KRT26: variants seen among roughly 807,000 people sequenced by gnomAD.
The protein encoded by KRT26 is keratin 26.
KRT26 carries 45 observed loss-of-function variants against 46.1 expected under a neutral mutation model. The observed-to-expected ratio is 0.98, with a 90% CI of 0.77 to 1.25. KRT26 has a LOEUF of 1.25. KRT26 is among the 50% of genes most tolerant of loss of function. The probability of loss-of-function intolerance (pLI) is 0.00; values close to 1 mark genes in which losing one functional copy is unlikely to be tolerated. For missense variants in KRT26, 582 were observed against 560.1 expected, an observed-to-expected ratio of 1.04 and a Z score of -0.39; for synonymous variants, 191 against 209.9, an observed-to-expected ratio of 0.91 and a Z score of 0.78.
At chr17:40,770,205 A>G in intron 3 of KRT26, 48 bp downstream of exon 3, 1 of 1,613,690 alleles carries the variant, frequency 6.2e-7, no homozygotes, top group Non-Finnish European at 8.5e-7. Context: ...AGTGGACTTC[A>G]AGAAGGAAAT....
chr17:40,767,158 C>T (rs190047218), intron 7 of KRT26, among the ~76,000 whole-genome samples: 225 of 152,282 alleles, frequency 1.5e-3, no homozygotes, highest in Non-Finnish European at 2.4e-3. Flanking sequence ...TTTGCCACTG[C>T]TTTTAGAGCA....
In KRT26 at chr17:40,770,266, T is replaced by C. The variant is rs1301166464; in HGVS notation, c.668A>G (p.Lys223Arg). ...AGGCTTCCTTACCTCCTCATGACTT[T>C]TTTTGAGGTAGGTCAATTCCTCACT... Residue 223 changes from lysine to arginine, a missense_variant, in exon 3 of 8, where the codon AAA becomes AGA. Transcript: ENST00000335552. The C allele has an allele frequency of 1.2e-5, 20 of 1,614,048 alleles. No individual in the cohort carries two copies. The highest frequency in any genetic ancestry group is 1.6e-5 in the Non-Finnish European group (19 of 1,180,036).
chr17:40,768,178 T>G lies in KRT26; in HGVS notation c.1188-525A>C, dbSNP rs190994388. Among the ~76,000 whole-genome samples the G allele has an allele frequency of 2.0e-3, 304 of 152,256 alleles. 1 individual carries two copies. The highest frequency in any genetic ancestry group is 3.8e-3 in the Non-Finnish European group (259 of 68,010). ...CAGAGGGCTGATGGGCCTTGGAGGG[T>G]GCAAGACGTTACCTCCTCACTATGC... On this transcript the variant is annotated intron_variant, in intron 6 of 7. Coordinates refer to ENST00000335552, the Ensembl canonical transcript of KRT26.
chr17:40,771,998 GCTCCCGATCCAA>G, exon 1 of KRT26: 1 of 1,614,100 alleles, frequency 6.2e-7, no homozygotes, highest in African/African-American at 1.3e-5. Context: ...GCTGCTTCTT[GCTCCCGATCCAA>G]CACACACATT....
At chr17:40,771,913 G>A (rs773184291) in exon 1 of KRT26, 1 of 1,614,152 alleles carries the variant, frequency 6.2e-7, no homozygotes, top group South Asian at 1.1e-5. Context: ...AACCAGCACA[G>A]GCACCACTTC....
chr17:40,770,352 G>T (rs911295978), exon 3 of KRT26: 3 of 1,613,728 alleles, frequency 1.9e-6, no homozygotes, highest in Admixed American at 3.3e-5. Flanking sequence ...CCAACACTCT[G>T]CGAAGACCAC....
chr17:40,769,647 G>A, intron 5 of KRT26, 107 bp downstream of exon 5: 1 of 1,137,198 alleles, frequency 8.8e-7, no homozygotes, highest in Non-Finnish European at 1.3e-6. Context: ...TATACTTTTA[G>A]TCATATGTAA....
chr17:40,766,355 A>G (rs2038172125), exon 8 of KRT26: 1 of 529,690 alleles, frequency 1.9e-6, no homozygotes. Flanking sequence ...AGAACATGAG[A>G]AAAGGAAGAG....
exon 3 of KRT26, chr17:40,770,365 G>A (rs747090105): frequency 6.2e-7 from 1 of 1,613,268 alleles, no homozygotes; most frequent in South Asian, 1.1e-5. Context: ...AAGACCACTG[G>A]TGTCGGCCTC....
In KRT26 at chr17:40,768,862, T is replaced by A. The variant is rs765966339; in HGVS notation, c.1187+17A>T. The A allele has an allele frequency of 1.6e-6, 2 of 1,268,410 alleles. No individual in the cohort carries two copies. Among genetic ancestry groups the A allele is most frequent in the South Asian group, 2.8e-5 (2 of 72,424 alleles). The allele number at this position is 1,268,410 out of a possible 1,614,324, so 78.6% of individuals were successfully genotyped here. A position where few individuals can be genotyped will look rare whatever the true frequency, so the allele number is the denominator to read the frequency against. On this transcript the variant is annotated intron_variant, in intron 6 of 7. Transcript: ENST00000335552. ...TTAATGTGAGGTTTTTTTTTTTTTT[T>A]GCAAGTTAATCTTTACCTTTCTTCT...
intron 6 of KRT26, 119 bp from the exon 7 acceptor site, chr17:40,767,772 A>G (rs1597797986): frequency 3.5e-6 from 2 of 566,338 alleles, no homozygotes; most frequent in Non-Finnish European, 3.1e-6. Flanking sequence ...CAAATTCCTT[A>G]TATATTTAAA....
rs1208930992 is a variant in KRT26, at chr17:40,770,093, C to T, written c.711G>A (p.Gly237=). Residue 237 remains glycine, a synonymous_variant, in exon 4 of 8, where the codon GGG becomes GGA. Transcript: ENST00000335552. ...CATTCATCTCCACGTTCACGTTCCC[C>T]CCAGCTGTATATTGCAAGACTTCCA... is the stretch of plus-strand genomic sequence containing the variant. 14 of 1,614,076 alleles carry T rather than the reference C, an allele frequency of 8.7e-6. No individual in the cohort carries two copies. The Admixed American group carries it at 2.0e-4, about 23-fold the overall frequency.
At chr17:40,769,631 A>G (rs1016573737) in intron 5 of KRT26, 123 bp downstream of exon 5, 4 of 1,002,120 alleles carry the variant, frequency 4.0e-6, no homozygotes, top group Non-Finnish European at 5.8e-6. Flanking sequence ...GATATTTAAT[A>G]TATTTTATAC....
chr17:40,768,627 G>A (rs916454782), intron 6 of KRT26, among the ~76,000 whole-genome samples: 2 of 152,066 alleles, frequency 1.3e-5, no homozygotes, highest in Non-Finnish European at 2.9e-5. Flanking sequence ...TTGGAGTACT[G>A]GAATTGTTAA....
Position 40,766,579 on chromosome 17 carries a change from TCAACTGAGTG to T in KRT26, c.1333_1342del (p.His445LysfsTer7). The T allele has an allele frequency of 4.3e-6, 7 of 1,613,650 alleles. No individual in the cohort carries two copies. The highest frequency in any genetic ancestry group is 5.9e-6 in the Non-Finnish European group (7 of 1,179,634). ...GTTGCTTATTTTAGAGGACTTTTCTTCAACTGAGTGGACTCTCAGTGAAAGGAGATTGCCA... is the reference window on the plus strand; with the variant it reads ...GTTGCTTATTTTAGAGGACTTTTCTTGACTCTCAGTGAAAGGAGATTGCCA... On this transcript the variant is annotated frameshift_variant, in exon 8 of 8. Coordinates refer to ENST00000335552, the Ensembl canonical transcript of KRT26. LOFTEE classifies it high-confidence loss of function.
intron 5 of KRT26, among the ~76,000 whole-genome samples, 181 bp downstream of exon 5, chr17:40,769,573 A>G (rs1235108525): frequency 6.6e-6 from 1 of 152,256 alleles, no homozygotes; most frequent in African/African-American, 2.4e-5. Context: ...TATTGTAAAA[A>G]GGCATTTTTC....
rs149967612 is a variant in KRT26 at position 40,770,778 on chromosome 17, G to T, written c.525-369C>A. 7.3e-3 allele frequency among the ~76,000 whole-genome samples: 1,115 copies of T among 152,258 alleles called. 9 individuals carry two copies. In the Middle Eastern group the frequency reaches 0.082, roughly 11 times the overall value. Reference sequence around the variant, plus strand: ...CAGCTCACTGCAACCTCCACCTTCCGGGTTCAAGTGATTCTCATGTCTCAG... The same window carrying T: ...CAGCTCACTGCAACCTCCACCTTCCTGGTTCAAGTGATTCTCATGTCTCAG... On this transcript the variant is annotated intron_variant, in intron 2 of 7. Coordinates refer to ENST00000335552, the Ensembl canonical transcript of KRT26.
At chr17:40,770,046 G>A (rs201714615) in exon 4 of KRT26, 3 of 1,614,138 alleles carry the variant, frequency 1.9e-6, no homozygotes, top group African/African-American at 1.3e-5. Flanking sequence ...CAACAGGACA[G>A]TTAGGTCCAC....
chr17:40,771,967 G>T lies in KRT26; in HGVS notation c.147C>A (p.Gly49=), dbSNP rs1242576995. 6.8e-6 allele frequency: 11 copies of T among 1,614,146 alleles called. No homozygotes were observed. In the East Asian group the frequency reaches 2.0e-4, roughly 29 times the overall value. Residue 49 remains glycine, a synonymous_variant, in exon 1 of 8, where the codon GGC becomes GGA. Transcript: ENST00000335552. ...TGCAGAAGCTTCCTCCAGAAGAGAT[G>T]CCCTCAAGAGTACAAGAAAAGCTGC...
Sources: allele counts gnomAD v4.1 joint callset (sites outside exome capture counted in the v4.1 genomes callset), GRCh38; gene constraint gnomAD v4.1.1; transcripts MANE v1.5; gene names NCBI Gene and HGNC (gene_info 2026-07-23, HGNC 2026-07-21).